The following ITGB6 variants were observed in gnomAD, a reference collection of about 807,000 sequenced individuals.
ITGB6 encodes integrin subunit beta 6, also known as integrin beta-6.
ITGB6 carries 80 observed loss-of-function variants against 84.5 expected under a neutral mutation model. That is an observed-to-expected ratio of 0.95 (90% CI 0.79 to 1.14). The LOEUF (loss-of-function observed/expected upper bound fraction) is 1.14. ITGB6 is among the 50% of genes most tolerant of loss of function. The pLI, the probability that ITGB6 is intolerant of heterozygous loss-of-function variation, is 0.00. For missense variants in ITGB6, 1,006 were observed against 968.0 expected (o/e 1.04, Z -0.52); for synonymous variants, 383 against 354.9 (o/e 1.08, Z -0.89).
intron 14 of ITGB6, among the ~76,000 whole-genome samples, chr2:160,102,249 A>G (rs1287898170): frequency 6.6e-6 from 1 of 152,242 alleles, no homozygotes; most frequent in Non-Finnish European, 1.5e-5. Flanking sequence ...GAAAAGTGAA[A>G]CCAGTAGGAA....
chr2:160,101,776 T>C lies in ITGB6; in HGVS notation c.2327A>G (p.His776Arg), dbSNP rs540706226. The change falls in exon 15 of 15, where the codon CAC becomes CGC. Residue 776 changes from histidine to arginine, a missense_variant. Physicochemically the swap from His to Arg is conservative, Grantham distance 29. Coordinates refer to ENST00000283249, the MANE Select transcript of ITGB6 (RefSeq NM_000888.5). ...TSTFKNVTYK[H>R]REKQKVDLST... Reference sequence around the variant, plus strand: ...AAGGTCTACCTTTTGTTTTTCCCTGTGTTTATAAGTTACATTTTTAAAAGT... The same window carrying C: ...AAGGTCTACCTTTTGTTTTTCCCTGCGTTTATAAGTTACATTTTTAAAAGT... 5.6e-6 allele frequency: 9 copies of C among 1,602,564 alleles called. No individual in the cohort carries two copies. In the African/African-American group the frequency reaches 9.4e-5, roughly 17 times the overall value.
intron 6 of ITGB6, among the ~76,000 whole-genome samples, chr2:160,171,020 T>C (rs1323797816): frequency 1.3e-5 from 2 of 152,166 alleles, no homozygotes; most frequent in African/African-American, 4.8e-5. Context: ...GAGTATGTGA[T>C]TAAAGAATAT....
At chr2:160,131,959 C>T (rs889877643) in intron 10 of ITGB6, among the ~76,000 whole-genome samples, 12 of 152,078 alleles carry the variant, frequency 7.9e-5, no homozygotes, top group Admixed American at 7.9e-4. Flanking sequence ...TTTTATACTG[C>T]CTTAGATCTC....
At chr2:160,179,390 C>CTTTTTTTTTTTTTTTTTTT (rs71297445) in intron 4 of ITGB6, among the ~76,000 whole-genome samples, 1 of 131,178 alleles carries the variant, frequency 7.6e-6, no homozygotes, top group Non-Finnish European at 1.6e-5. Flanking sequence ...TTTTCTTTTT[C>CTTTTTTTTTTTTTTTTTTT]TTTTTTTTTT....
At chr2:160,149,948 G>A (rs1287264087) in intron 7 of ITGB6, among the ~76,000 whole-genome samples, 1 of 152,096 alleles carries the variant, frequency 6.6e-6, no homozygotes. Flanking sequence ...CAAGAAATAG[G>A]GAAGTATGTG....
At chr2:160,153,163 G>T (rs1353432922) in intron 7 of ITGB6, among the ~76,000 whole-genome samples, 1 of 152,062 alleles carries the variant, frequency 6.6e-6, no homozygotes, top group Non-Finnish European at 1.5e-5. Flanking sequence ...AAGCTGGAGA[G>T]ATCACGCTAC....
At chr2:160,188,647 A>G (rs1399196113) in intron 4 of ITGB6, among the ~76,000 whole-genome samples, 1 of 151,070 alleles carries the variant, frequency 6.6e-6, no homozygotes, top group African/African-American at 2.4e-5. Context: ...TCTGTCACCC[A>G]GGCTAGAGTA....
intron 10 of ITGB6, among the ~76,000 whole-genome samples, chr2:160,127,296 A>G (rs1683278882): frequency 6.6e-6 from 1 of 152,100 alleles, no homozygotes; most frequent in Non-Finnish European, 1.5e-5. Context: ...AAACATTTGC[A>G]ATCTGTTCTC....
chr2:160,115,762 GA>G lies in ITGB6; in HGVS notation c.1982-3564del, dbSNP rs1003652953. Among the ~76,000 whole-genome samples, 9 of 152,114 alleles carry G rather than the reference GA, an allele frequency of 5.9e-5. No individual in the cohort carries two copies. The South Asian group carries it at 1.9e-3, about 32-fold the overall frequency. ...CAATGGCAAAGAAGTTAAAAACTGT[GA>G]AAAAAAATTAGACGAATGGATAACT... On this transcript the variant is annotated intron_variant, in intron 12 of 14. Transcript: ENST00000283249.
intron 6 of ITGB6, among the ~76,000 whole-genome samples, chr2:160,171,828 C>T (rs909021915): frequency 6.6e-6 from 1 of 152,140 alleles, no homozygotes; most frequent in African/African-American, 2.4e-5. Context: ...GCTTCAGAGC[C>T]TGGCAGAGGT....
chr2:160,174,412 A>AGT lies in ITGB6; in HGVS notation c.594-275_594-274dup, dbSNP rs141343115. On this transcript the variant is annotated intron_variant, in intron 4 of 14. Transcript: ENST00000283249. ...ACAGATAATCAGGTGATCAGACTCC[A>AGT]GTGTGTGTGTGTGTGTAATCACTAC... Among the ~76,000 whole-genome samples the AGT allele has an allele frequency of 4.8e-3, 724 of 151,788 alleles. 2 individuals are homozygous for AGT. The highest frequency in any genetic ancestry group is 0.015 in the African/African-American group (618 of 41,464).
intron 7 of ITGB6, among the ~76,000 whole-genome samples, chr2:160,165,866 T>C (rs563975851): frequency 1.1e-4 from 16 of 152,218 alleles, no homozygotes; most frequent in Non-Finnish European, 1.8e-4. Context: ...CAGAAGGTTC[T>C]GGCAATGGTC....
At chr2:160,144,628 T>G (rs1029113288) in intron 7 of ITGB6, among the ~76,000 whole-genome samples, 2 of 152,214 alleles carry the variant, frequency 1.3e-5, no homozygotes, top group African/African-American at 2.4e-5. Flanking sequence ...TTTATGAAAC[T>G]GCTATCCTTG....
chr2:160,176,731 G>A (rs1170256217), intron 4 of ITGB6, among the ~76,000 whole-genome samples: 1 of 152,164 alleles, frequency 6.6e-6, no homozygotes, highest in East Asian at 1.9e-4. Flanking sequence ...TTGGCTAATG[G>A]TATCTCTAGA....
intron 14 of ITGB6, among the ~76,000 whole-genome samples, chr2:160,104,175 T>C (rs916113490): frequency 6.6e-6 from 1 of 152,156 alleles, no homozygotes; most frequent in African/African-American, 2.4e-5. Context: ...CAGACTTCAC[T>C]AGAGTAAGAG....
chr2:160,194,591 G>C (rs577692293), intron 4 of ITGB6, among the ~76,000 whole-genome samples: 2 of 152,172 alleles, frequency 1.3e-5, no homozygotes, highest in East Asian at 3.9e-4. Flanking sequence ...GCTTTAACCT[G>C]CTGTTTAACC....
chr2:160,163,601 T>C (rs953745158), intron 7 of ITGB6, among the ~76,000 whole-genome samples: 3 of 151,332 alleles, frequency 2.0e-5, no homozygotes, highest in South Asian at 4.2e-4. Context: ...CACTGCACTT[T>C]AGCCTGGGCA....
chr2:160,181,116 G>T (rs755375053), intron 4 of ITGB6, among the ~76,000 whole-genome samples: 25 of 152,148 alleles, frequency 1.6e-4, no homozygotes, highest in South Asian at 1.5e-3. Context: ...CCCCAGTGGC[G>T]CTTGGAATTC....
chr2:160,177,391 C>T (rs1252474641), intron 4 of ITGB6, among the ~76,000 whole-genome samples: 6 of 151,778 alleles, frequency 4.0e-5, no homozygotes, highest in Admixed American at 2.6e-4. Context: ...ACGGTGAAAC[C>T]CCATCTCTAC....
Sources: gnomAD v4.1 joint callset for allele counts (sites outside exome capture counted in the v4.1 genomes callset) on GRCh38, gnomAD v4.1.1 for gene constraint, MANE v1.5 for transcripts, NCBI Gene and HGNC (gene_info 2026-07-23, HGNC 2026-07-21) for gene names.